Variants in VCL observed in about 807,000 individuals in gnomAD.
VCL encodes the protein vinculin.
In VCL, 47 loss-of-function variants were observed where a neutral mutation model predicts 125.7. The observed-to-expected ratio is 0.37, with a 90% CI of 0.30 to 0.48. The LOEUF (loss-of-function observed/expected upper bound fraction) is 0.48, where lower values mean the gene tolerates loss of function less well. Ranked by LOEUF, VCL falls within the 20% of genes least tolerant of loss-of-function variation. VCL has a pLI of 0.99. For synonymous variants in VCL, 458 were observed against 514.6 expected (o/e 0.89, Z 1.49); for missense variants, 1,069 against 1,455.5 (o/e 0.73, Z 4.32).
chr10:74,100,494 A>T (rs1840034574), intron 13 of VCL, among the ~76,000 whole-genome samples: 3 of 152,202 alleles, frequency 2.0e-5, no homozygotes, highest in Admixed American at 2.0e-4. Context: ...GGGAGCCTGG[A>T]GCTCAATTTA....
chr10:74,118,048 C>T lies in VCL; in HGVS notation c.3284C>T (p.Ala1095Val). The change falls in exon 22 of 22, where the codon GCC (alanine) becomes GTC (valine). Residue 1095 changes from alanine (A) to valine (V), a missense_variant. Physicochemically the swap from Ala to Val is moderately conservative, Grantham distance 64 (BLOSUM62 0). Transcript: ENST00000211998. ...GCCACAGAGATGCTGGTTCACAATG[C>T]CCAGAACCTCATGCAGTCTGTGAAG... The part of the protein sequence containing the change: ...EQATEMLVHN[A>V]QNLMQSVKET... 1.2e-6 allele frequency: 2 copies of T among 1,614,092 alleles called. No homozygotes were observed. The highest frequency in any genetic ancestry group is 1.7e-6 in the Non-Finnish European group (2 of 1,180,018).
chr10:74,018,177 G>GATATATATATATATATGTATAAATACAT (rs1555114493), intron 1 of VCL, among the ~76,000 whole-genome samples: 1 of 81,906 alleles, frequency 1.2e-5, no homozygotes, highest in African/African-American at 4.4e-5. Context: ...ATATATATAG[G>GATATATATATATATATGTATAAATACAT]ATATATATAT....
chr10:74,094,395 C>T lies in VCL; in HGVS notation c.1477C>T (p.Leu493Phe). The T allele has an allele frequency of 1.2e-6, 2 of 1,614,178 alleles. No homozygotes were observed. The highest frequency in any genetic ancestry group is 1.7e-6 in the Non-Finnish European group (2 of 1,180,028). The change falls in exon 11 of 22, where the codon CTT becomes TTT. Residue 493 changes from leucine to phenylalanine, a missense_variant. Around this residue, in one of 6 missense-constraint regions of VCL, gnomAD observed 760 missense variants for 928.9 expected, o/e 0.82. Coordinates refer to ENST00000211998, the MANE Select transcript of VCL (RefSeq NM_014000.3). ...NSRPAKAAVH[L>F]EGKIEQAQRW... Reference sequence around the variant, plus strand: ...CAGACCGGCCAAAGCAGCTGTACACCTTGAGGGCAAGATTGAGCAAGCACA... The same window carrying T: ...CAGACCGGCCAAAGCAGCTGTACACTTTGAGGGCAAGATTGAGCAAGCACA...
intron 1 of VCL, among the ~76,000 whole-genome samples, chr10:74,037,298 G>A (rs1840999629): frequency 6.6e-6 from 1 of 152,152 alleles, no homozygotes; most frequent in Non-Finnish European, 1.5e-5. Flanking sequence ...GAGAGTACAG[G>A]AAAATGCATT....
chr10:74,036,571 TA>T (rs1203900260), intron 1 of VCL, among the ~76,000 whole-genome samples: 3 of 151,604 alleles, frequency 2.0e-5, no homozygotes, highest in Admixed American at 6.6e-5. Flanking sequence ...TTTTAAGGCA[TA>T]AAAAAAATGA....
At chr10:74,072,946 T>A in intron 5 of VCL, 94 bp downstream of exon 5, 11 of 403,772 alleles carry the variant, frequency 2.7e-5, no homozygotes, top group South Asian at 2.4e-4. Context: ...TTTTCTTTTC[T>A]TTTTTTTTTT....
At chr10:74,057,275 G>A (rs1212582619) in intron 2 of VCL, among the ~76,000 whole-genome samples, 1 of 151,940 alleles carries the variant, frequency 6.6e-6, no homozygotes, top group Non-Finnish European at 1.5e-5. Flanking sequence ...AAAATTATAT[G>A]TATATATAAA....
chr10:74,057,467 T>A (rs1334178318), intron 2 of VCL, among the ~76,000 whole-genome samples: 1 of 152,120 alleles, frequency 6.6e-6, no homozygotes, highest in Non-Finnish European at 1.5e-5. Flanking sequence ...CTTAGATCTT[T>A]GTCTGAAGGT....
chr10:74,080,806 ACCCAG>A (rs1839662891), intron 6 of VCL, among the ~76,000 whole-genome samples: 3 of 152,194 alleles, frequency 2.0e-5, no homozygotes, highest in Admixed American at 2.0e-4. Context: ...CCTGAAGGCT[ACCCAG>A]TTCTCTGAGG....
chr10:74,118,638 T>A lies in VCL; in HGVS notation c.*469T>A, dbSNP rs1840348323. On this transcript the variant is annotated 3_prime_UTR_variant, in exon 22 of 22. Transcript: ENST00000211998. ...TGCCTCCCAAAATTGTTTTGAGCTTTCCATGTTGCTGCCAACCATACCTTC... is the reference window on the plus strand; with the variant it reads ...TGCCTCCCAAAATTGTTTTGAGCTTACCATGTTGCTGCCAACCATACCTTC... 8.2e-6 allele frequency: 2 copies of A among 242,474 alleles called. No homozygotes were observed. Among genetic ancestry groups the A allele is most frequent in the African/African-American group, 4.5e-5 (2 of 44,502 alleles). 15.0% of individuals were successfully genotyped at this position (242,474 alleles called of 1,614,324 possible).
At chr10:74,068,700 T>C (rs556912888) in intron 2 of VCL, among the ~76,000 whole-genome samples, 1 of 152,264 alleles carries the variant, frequency 6.6e-6, no homozygotes, top group South Asian at 2.1e-4. Flanking sequence ...TATGATCCTA[T>C]TTGTGTAAAA....
chr10:74,025,378 C>T (rs1226582457), intron 1 of VCL, among the ~76,000 whole-genome samples: 6 of 151,790 alleles, frequency 4.0e-5, no homozygotes, highest in African/African-American at 7.3e-5. Flanking sequence ...CTTTGGGAGG[C>T]GGAGGTGGGA....
chr10:74,050,268 C>G (rs1841276014), intron 2 of VCL, among the ~76,000 whole-genome samples: 1 of 152,212 alleles, frequency 6.6e-6, no homozygotes, highest in African/African-American at 2.4e-5. Context: ...TTGAAGCATA[C>G]TGTAATGTCT....
At chr10:74,107,502 C>G in intron 17 of VCL, 148 bp downstream of exon 17, 1 of 1,361,696 alleles carries the variant, frequency 7.3e-7, no homozygotes, top group Non-Finnish European at 1.0e-6. Context: ...TCTCGATTTT[C>G]ATTCCTAAAT....
At chr10:74,044,786 G>A (rs1343293864) in intron 2 of VCL, among the ~76,000 whole-genome samples, 6 of 152,176 alleles carry the variant, frequency 3.9e-5, no homozygotes, top group African/African-American at 1.4e-4. Flanking sequence ...TAATCATGGT[G>A]TAATCAGAAA....
chr10:74,045,284 T>C (rs1841178849), intron 2 of VCL, among the ~76,000 whole-genome samples: 1 of 150,972 alleles, frequency 6.6e-6, no homozygotes. Context: ...GATAGATAGA[T>C]AGATAGATAG....
At chr10:74,014,943 C>G (rs1840510278) in intron 1 of VCL, among the ~76,000 whole-genome samples, 1 of 152,164 alleles carries the variant, frequency 6.6e-6, no homozygotes. Flanking sequence ...CCCACTTCAG[C>G]CTCCCAGAGT....
intron 18 of VCL, 78 bp downstream of exon 18, chr10:74,109,234 A>G: frequency 6.4e-7 from 1 of 1,573,040 alleles, no homozygotes; most frequent in Non-Finnish European, 8.7e-7. Context: ...CCCAGAAAGA[A>G]GAGTCTATTT....
rs1163195526 is a variant in VCL, at chr10:74,103,993, G to A, written c.2131+65G>A. On this transcript the variant is annotated intron_variant, in intron 15 of 21. Coordinates refer to ENST00000211998, the MANE Select transcript of VCL (RefSeq NM_014000.3). ...AGAATGAGTTCTGAGAAATTGGAGC[G>A]GGACTGGTTCTGTTACTCAGCTGTA... 11 of 1,470,494 alleles carry A rather than the reference G, an allele frequency of 7.5e-6. No individual in the cohort carries two copies. The East Asian group carries it at 1.8e-4, about 25-fold the overall frequency. 91.1% of individuals were successfully genotyped at this position (1,470,494 alleles called of 1,614,324 possible). A position where few individuals can be genotyped will look rare whatever the true frequency, so the allele number is the denominator to read the frequency against.
Sources: gnomAD v4.1 joint callset for allele counts (sites outside exome capture counted in the v4.1 genomes callset) on GRCh38, gnomAD v4.1.1 for gene constraint, gnomAD v4.1.1 regional missense constraint, MANE v1.5 for transcripts, NCBI Gene and HGNC (gene_info 2026-07-23, HGNC 2026-07-21) for gene names.